The following SMAD6 variants were observed in gnomAD, a reference collection of about 807,000 sequenced individuals.
SMAD6 encodes SMAD family member 6, also known as MAD homolog 6.
In SMAD6, 103 loss-of-function variants were observed where a neutral mutation model predicts 39.4. The observed-to-expected ratio is 2.62, with a 90% CI of 2.23 to 3.08. The LOEUF is 3.08. Among genes scored for constraint, SMAD6 ranks in the 30% most tolerant of loss-of-function variants. The pLI, the probability that SMAD6 is intolerant of heterozygous loss-of-function variation, is 0.00. For missense variants in SMAD6, 1,104 were observed against 742.9 expected (o/e 1.49, Z -5.65); for synonymous variants, 445 against 353.3 (o/e 1.26, Z -2.91).
At chr15:66,718,557 G>T (rs1893375738) in intron 3 of SMAD6, among the ~76,000 whole-genome samples, 1 of 152,216 alleles carries the variant, frequency 6.6e-6, no homozygotes, top group South Asian at 2.1e-4. Context: ...GGTCTTGAAG[G>T]ACTTTGGTGT....
chr15:66,716,283 A>T (rs1305108523), intron 2 of SMAD6, 138 bp from the exon 3 acceptor site: 1 of 667,328 alleles, frequency 1.5e-6, no homozygotes, highest in Non-Finnish European at 2.7e-6. Context: ...GTGACATCAG[A>T]AAGTTGGGAG....
intron 3 of SMAD6, among the ~76,000 whole-genome samples, chr15:66,748,205 A>ATTT (rs34637025): frequency 7.2e-6 from 1 of 138,444 alleles, no homozygotes. Flanking sequence ...ATTTCTTCCC[A>ATTT]TTTTTTTTTT....
At chr15:66,719,758 G>A (rs1326334370) in intron 3 of SMAD6, among the ~76,000 whole-genome samples, 1 of 152,236 alleles carries the variant, frequency 6.6e-6, no homozygotes, top group Non-Finnish European at 1.5e-5. Flanking sequence ...GGCAGGGCGA[G>A]GGGCCGCAGG....
intron 3 of SMAD6, among the ~76,000 whole-genome samples, chr15:66,771,888 G>T (rs1248836950): frequency 6.6e-6 from 1 of 152,126 alleles, no homozygotes; most frequent in Non-Finnish European, 1.5e-5. Context: ...GCTTGAGTGT[G>T]GGGGAGAAAC....
At position 66,781,150 on chromosome 15, in the gene SMAD6, G is replaced by A; in HGVS notation, c.1106G>A (p.Gly369Asp). The A allele has an allele frequency of 6.2e-7, 1 of 1,608,164 alleles. No individual in the cohort carries two copies. Among genetic ancestry groups the A allele is most frequent in the Non-Finnish European group, 8.5e-7 (1 of 1,179,754 alleles). Residue 369 changes from glycine (G) to aspartate (D), a missense_variant, in exon 4 of 4, where the codon GGC becomes GAC. Physicochemically the swap from Gly to Asp is moderately conservative, Grantham distance 94. Transcript: ENST00000288840. ...CCTCAGGGCAGCGGCTTCTGCCTGGGCCAGCTCAACCTGGAGCAGCGCAGC... is the reference window on the plus strand; with the variant it reads ...CCTCAGGGCAGCGGCTTCTGCCTGGACCAGCTCAACCTGGAGCAGCGCAGC... ...DLPQGSGFCL[G>D]QLNLEQRSES...
intron 3 of SMAD6, among the ~76,000 whole-genome samples, chr15:66,750,474 T>C (rs1316788352): frequency 2.0e-5 from 3 of 152,212 alleles, no homozygotes; most frequent in African/African-American, 7.2e-5. Context: ...GTACCTGGTG[T>C]GGGGTACAAA....
chr15:66,731,629 C>T (rs1249068104), intron 3 of SMAD6, among the ~76,000 whole-genome samples: 1 of 152,148 alleles, frequency 6.6e-6, no homozygotes, highest in Non-Finnish European at 1.5e-5. Flanking sequence ...TGAGATTCAT[C>T]CATGTTGTTT....
chr15:66,711,037 T>G (rs1248009246), intron 1 of SMAD6, among the ~76,000 whole-genome samples: 1 of 152,246 alleles, frequency 6.6e-6, no homozygotes, highest in Non-Finnish European at 1.5e-5. Context: ...TCTGGGCCTT[T>G]GCACTCACAC....
chr15:66,706,494 C>G (rs762194798), intron 1 of SMAD6: 1 of 152,322 alleles, frequency 6.6e-6, no homozygotes, highest in Non-Finnish European at 1.5e-5. Context: ...GGCCTGAGAG[C>G]TGGGGGAGCC....
intron 3 of SMAD6, among the ~76,000 whole-genome samples, chr15:66,738,811 G>A (rs1290748728): frequency 6.6e-6 from 1 of 152,044 alleles, no homozygotes; most frequent in African/African-American, 2.4e-5. Flanking sequence ...GCAGTTTGAG[G>A]GCATCTATCT....
intron 3 of SMAD6, among the ~76,000 whole-genome samples, chr15:66,723,381 A>G (rs976607665): frequency 2.0e-5 from 3 of 152,184 alleles, no homozygotes; most frequent in African/African-American, 4.8e-5. Context: ...AATGTACTGA[A>G]CATTTATTAT....
At chr15:66,761,144 G>C (rs1362655888) in intron 3 of SMAD6, among the ~76,000 whole-genome samples, 1 of 152,156 alleles carries the variant, frequency 6.6e-6, no homozygotes, top group Non-Finnish European at 1.5e-5. Flanking sequence ...GGTCCAGTGA[G>C]CCTGAGAGCC....
intron 3 of SMAD6, among the ~76,000 whole-genome samples, chr15:66,716,781 C>T (rs1189012948): frequency 6.6e-6 from 1 of 152,230 alleles, no homozygotes; most frequent in Non-Finnish European, 1.5e-5. Flanking sequence ...AAAAGCTCAG[C>T]ACAGCTCTCC....
intron 3 of SMAD6, among the ~76,000 whole-genome samples, chr15:66,738,585 A>C (rs1469751307): frequency 6.6e-6 from 1 of 152,168 alleles, no homozygotes; most frequent in Non-Finnish European, 1.5e-5. Flanking sequence ...AGAGAAGATA[A>C]CATTTTCCTC....
Position 66,703,581 on chromosome 15 carries a change from C to T in SMAD6, c.323C>T (p.Ala108Val), listed in dbSNP as rs1382344647. The change falls in exon 1 of 4, where the codon GCG (alanine) becomes GTG (valine). Residue 108 changes from alanine (A) to valine (V), a missense_variant. Transcript: ENST00000288840. Reference protein sequence around the residue: ...AGAGSSLLDVAEPGGPGWLPE... With the variant: ...AGAGSSLLDVVEPGGPGWLPE... The stretch of plus-strand genomic sequence containing the variant: ...GCTGGGAGCTCCCTGCTGGACGTGG[C>T]GGAGCCGGGAGGCCCGGGCTGGCTG... 1 of 1,226,116 alleles carries T rather than the reference C, an allele frequency of 8.2e-7. No individual in the cohort carries two copies. Among genetic ancestry groups the T allele is most frequent in the South Asian group, 4.1e-5 (1 of 24,550 alleles). The allele number at this position is 1,226,116 out of a possible 1,614,324, so 76.0% of individuals were successfully genotyped here.
chr15:66,743,508 G>T (rs992496358), intron 3 of SMAD6, among the ~76,000 whole-genome samples: 14 of 151,880 alleles, frequency 9.2e-5, no homozygotes, highest in Non-Finnish European at 1.6e-4. Flanking sequence ...ATATTAAATG[G>T]CTTGTTCATC....
Position 66,782,669 on chromosome 15 carries a change from C to T in SMAD6, c.*1134C>T, listed in dbSNP as rs1407315064. On this transcript the variant is annotated 3_prime_UTR_variant, in exon 4 of 4. Coordinates refer to ENST00000288840, the MANE Select transcript of SMAD6 (RefSeq NM_005585.5). ...TTACATGGAATTGTAGGACCAGAGC[C>T]ATATCATTAGATCAGCTTTCTGAAG... 4 of 152,156 alleles carry T rather than the reference C, an allele frequency of 2.6e-5. No homozygotes were observed. The highest frequency in any genetic ancestry group is 5.9e-5 in the Non-Finnish European group (4 of 68,032). 9.4% of individuals were successfully genotyped at this position (152,156 alleles called of 1,614,324 possible).
At chr15:66,723,454 AT>A (rs1452299661) in intron 3 of SMAD6, among the ~76,000 whole-genome samples, 3 of 152,084 alleles carry the variant, frequency 2.0e-5, no homozygotes, top group Non-Finnish European at 4.4e-5. Flanking sequence ...AGGCAGGAGG[AT>A]TGCTTGAACC....
At chr15:66,768,880 G>GGGAGAGCA (rs1435877301) in intron 3 of SMAD6, among the ~76,000 whole-genome samples, 2 of 152,204 alleles carry the variant, frequency 1.3e-5, no homozygotes, top group Non-Finnish European at 2.9e-5. Flanking sequence ...GGGAGGAGAG[G>GGGAGAGCA]GGAGAGCAAG....
Sources: allele counts gnomAD v4.1 joint callset (sites outside exome capture counted in the v4.1 genomes callset), GRCh38; gene constraint gnomAD v4.1.1; transcripts MANE v1.5; gene names NCBI Gene and HGNC (gene_info 2026-07-23, HGNC 2026-07-21).